Variants in RPS6 observed in about 807,000 individuals in gnomAD.
RPS6 encodes the protein ribosomal protein S6, also known as small ribosomal subunit protein eS6.
Under a neutral mutation model 27.1 loss-of-function variants are expected in RPS6, and 1 was observed. That is an observed-to-expected ratio of 0.04 (90% CI 0.01 to 0.18). The LOEUF is 0.18. RPS6 is among the 10% of genes least tolerant of loss of function. RPS6 has a pLI of 1.00. For missense variants in RPS6, 259 were observed against 319.1 expected (o/e 0.81, Z 1.44); for synonymous variants, 152 against 106.0 (o/e 1.43, Z -2.66).
At position 19,380,050 on chromosome 9, in the gene RPS6, G is replaced by C. The variant is rs1218706726; in HGVS notation, c.6+140C>G. 3 of 1,583,876 alleles carry C rather than the reference G, an allele frequency of 1.9e-6. No individual in the cohort carries two copies. In the African/African-American group the frequency reaches 4.1e-5, roughly 22 times the overall value. On this transcript the variant is annotated intron_variant, in intron 1 of 5. Transcript: ENST00000380394. Reference sequence around the variant, plus strand: ...TTCGGCCAAAAAGCTCCATGCCCCAGAAAGGCGAGCCTTCTCCTACTTGAG... The same window carrying C: ...TTCGGCCAAAAAGCTCCATGCCCCACAAAGGCGAGCCTTCTCCTACTTGAG...
In RPS6 at chr9:19,376,098, C is replaced by G; in HGVS notation, c.*195G>C. On this transcript the variant is annotated 3_prime_UTR_variant, in exon 6 of 6. Coordinates refer to ENST00000380394, the MANE Select transcript of RPS6 (RefSeq NM_001010.3). ...TGTGCCACCCATCCCCTGAAAGGAA[C>G]CCCTGTACACTGACCTTGTCTTCCA... 1 of 513,160 alleles carries G rather than the reference C, an allele frequency of 1.9e-6. No homozygotes were observed. The highest frequency in any genetic ancestry group is 3.4e-6 in the Non-Finnish European group (1 of 292,598). 31.8% of individuals were successfully genotyped at this position (513,160 alleles called of 1,614,324 possible).
At chr9:19,376,672 ATCATTT>A in intron 4 of RPS6, 21 bp from the exon 5 acceptor site, 1 of 1,591,892 alleles carries the variant, frequency 6.3e-7, no homozygotes, top group Non-Finnish European at 8.5e-7. Context: ...AAAGGACTCA[ATCATTT>A]CAATATTTGT....
At position 19,376,662 on chromosome 9, in the gene RPS6, AAAGGACTC is replaced by A; in HGVS notation, c.497-19_497-12del. On this transcript the variant is annotated splice_polypyrimidine_tract_variant and intron_variant, in intron 4 of 5. Coordinates refer to ENST00000380394, the MANE Select transcript of RPS6 (RefSeq NM_001010.3). ...TCCTAGGTTTCTTACCTAAAAATTCAAAGGACTCAATCATTTCAATATTTGTTTTGTTA... is the reference window on the plus strand; with the variant it reads ...TCCTAGGTTTCTTACCTAAAAATTCAAATCATTTCAATATTTGTTTTGTTA... The A allele has an allele frequency of 6.3e-7, 1 of 1,597,406 alleles. No homozygotes were observed. Among genetic ancestry groups the A allele is most frequent in the Non-Finnish European group, 8.5e-7 (1 of 1,175,674 alleles).
Position 19,378,445 on chromosome 9 carries a change from C to G in RPS6, c.419G>C (p.Arg140Thr). 6.2e-7 allele frequency: 1 copy of G among 1,614,110 alleles called. No homozygotes were observed. Among genetic ancestry groups the G allele is most frequent in the Non-Finnish European group, 8.5e-7 (1 of 1,180,030 alleles). The change falls in exon 4 of 6, where the codon AGA (arginine) becomes ACA (threonine). Residue 140 changes from arginine to threonine, a missense_variant. Coordinates refer to ENST00000380394, the MANE Select transcript of RPS6 (RefSeq NM_001010.3). ...PRRLGPKRAS[R>T]IRKLFNLSKE... is the part of the protein sequence containing the mutation. ...AGAGAGATTGAAAAGTTTGCGGATT[C>G]TGCTAGCTCTTTTGGGGCCCAGGCG...
At chr9:19,379,960 G>A (rs958770328) in intron 1 of RPS6, 4 of 1,438,606 alleles carry the variant, frequency 2.8e-6, no homozygotes, top group Non-Finnish European at 3.6e-6. Flanking sequence ...TCCCGGCTGG[G>A]CGCGGGGACG....
At chr9:19,377,174 A>G (rs1215974685) in intron 4 of RPS6, among the ~76,000 whole-genome samples, 1 of 152,202 alleles carries the variant, frequency 6.6e-6, no homozygotes. Flanking sequence ...TCTGCATTGG[A>G]GCATAGGCCT....
chr9:19,380,213 C>T lies in RPS6; in HGVS notation c.-18G>A, dbSNP rs1829656713. The T allele has an allele frequency of 1.2e-6, 2 of 1,613,974 alleles. No individual in the cohort carries two copies. The highest frequency in any genetic ancestry group is 1.3e-5 in the African/African-American group (1 of 74,930). On this transcript the variant is annotated 5_prime_UTR_variant, in exon 1 of 6. Coordinates refer to ENST00000380394, the MANE Select transcript of RPS6 (RefSeq NM_001010.3). ...ACCTTCATCTTGAAGCAGCTGAACGCCTCCGAGGCGCCACGGAAAAGAGGG... is the reference window on the plus strand; with the variant it reads ...ACCTTCATCTTGAAGCAGCTGAACGTCTCCGAGGCGCCACGGAAAAGAGGG...
chr9:19,378,300 G>C, intron 4 of RPS6, 68 bp downstream of exon 4: 1 of 1,481,524 alleles, frequency 6.7e-7, no homozygotes, highest in Non-Finnish European at 9.4e-7. Flanking sequence ...TTTATCTTCT[G>C]ATATGCACAC....
intron 2 of RPS6, 51 bp downstream of exon 2, chr9:19,379,436 G>A (rs369923035): frequency 1.9e-6 from 3 of 1,609,840 alleles, no homozygotes; most frequent in Non-Finnish European, 2.5e-6. Flanking sequence ...AGTTACCAAT[G>A]GCGTTTACCG....
At chr9:19,377,334 T>G (rs1024999819) in intron 4 of RPS6, among the ~76,000 whole-genome samples, 2 of 151,966 alleles carry the variant, frequency 1.3e-5, no homozygotes, top group Non-Finnish European at 2.9e-5. Context: ...CACGCTTGTA[T>G]TATACGGATT....
At chr9:19,378,054 C>T (rs1464526560) in intron 4 of RPS6, among the ~76,000 whole-genome samples, 1 of 152,112 alleles carries the variant, frequency 6.6e-6, no homozygotes, top group Non-Finnish European at 1.5e-5. Flanking sequence ...CTAATAGTCC[C>T]AGAATTCTCA....
chr9:19,379,882 A>T (rs1829650545), intron 1 of RPS6: 2 of 1,422,836 alleles, frequency 1.4e-6, no homozygotes, highest in Non-Finnish European at 1.8e-6. Flanking sequence ...CACCCTCCCG[A>T]AGCAAGAAAG....
At position 19,378,522 on chromosome 9, in the gene RPS6, G is replaced by GA. The variant is rs1829626854; in HGVS notation, c.350-9dup. 6.2e-7 allele frequency: 1 copy of GA among 1,610,016 alleles called. No individual in the cohort carries two copies. Among genetic ancestry groups the GA allele is most frequent in the South Asian group, 1.1e-5 (1 of 90,128 alleles). On this transcript the variant is annotated splice_polypyrimidine_tract_variant and intron_variant, in intron 3 of 5. Coordinates refer to ENST00000380394, the MANE Select transcript of RPS6 (RefSeq NM_001010.3). The stretch of plus-strand genomic sequence containing the variant: ...CAGGAATATCCTTCTCTCCTTAGAA[G>GA]AAACAGTTGAAGAGATTTTAATTCA...
Position 19,378,826 on chromosome 9 carries a change from CAGT to C in RPS6, c.228_230del (p.Leu77del), listed in dbSNP as rs1369461897. On this transcript the variant is annotated inframe_deletion, in exon 3 of 6. Coordinates refer to ENST00000380394, the MANE Select transcript of RPS6 (RefSeq NM_001010.3). ...GTCTGTAACAGGAATGCCCCTTACTCAGTAGCAGGCGGACACGGCCATGGGTCA... is the reference window on the plus strand; with the variant it reads ...GTCTGTAACAGGAATGCCCCTTACTCAGCAGGCGGACACGGCCATGGGTCA... The C allele has an allele frequency of 1.9e-6, 3 of 1,614,220 alleles. No individual in the cohort carries two copies. In the Admixed American group the frequency reaches 5.0e-5, roughly 27 times the overall value.
intron 1 of RPS6, 27 bp downstream of exon 1, chr9:19,380,163 A>C: frequency 1.9e-6 from 3 of 1,613,594 alleles, no homozygotes; most frequent in Non-Finnish European, 2.5e-6. Context: ...CCCCAAACCC[A>C]GTCTAACACT....
intron 1 of RPS6, 51 bp from the exon 2 acceptor site, chr9:19,379,669 T>C (rs779293743): frequency 1.9e-6 from 3 of 1,557,598 alleles, no homozygotes; most frequent in East Asian, 2.2e-5. Flanking sequence ...ATACAGGTAA[T>C]TGTAGAGCCA....
rs1324248633 is a variant in RPS6 at position 19,376,359 on chromosome 9, A to G, written c.684T>C (p.Ile228=). Residue 228 remains isoleucine (I), a synonymous_variant, in exon 6 of 6, where the codon ATT becomes ATC. Transcript: ENST00000380394. ...KEAKEKRQEQ[I]AKRRRLSSLR... ...GAGAGGAAAGTCTGCGTCTCTTCGC[A>G]ATTTGTTCCTGGCGCTTCTCCTTAG... 2 of 1,614,060 alleles carry G rather than the reference A, an allele frequency of 1.2e-6. No individual in the cohort carries two copies. The highest frequency in any genetic ancestry group is 1.7e-6 in the Non-Finnish European group (2 of 1,180,030).
At chr9:19,377,182 C>A (rs1056503825) in intron 4 of RPS6, among the ~76,000 whole-genome samples, 5 of 152,168 alleles carry the variant, frequency 3.3e-5, no homozygotes, top group Admixed American at 3.3e-4. Context: ...GGAGCATAGG[C>A]CTTTTCAGAT....
chr9:19,378,714 T>C lies in RPS6; in HGVS notation c.343A>G (p.Lys115Glu). The C allele has an allele frequency of 1.9e-6, 3 of 1,614,132 alleles. No homozygotes were observed. The highest frequency in any genetic ancestry group is 2.5e-6 in the Non-Finnish European group (3 of 1,179,972). ...GAACACAAGTAACCCTCACCTTTTT[T>C]TACAATAACCAAGTTGAGAACGCTC... ...NLSVLNLVIV[K>E]KGEKDIPGLT... Residue 115 changes from lysine to glutamate, a missense_variant, in exon 3 of 6, where the codon AAA becomes GAA. Around this residue, in one of 3 missense-constraint regions of RPS6, gnomAD observed 191 missense variants for 231.6 expected, o/e 0.82. Coordinates refer to ENST00000380394, the MANE Select transcript of RPS6 (RefSeq NM_001010.3).
Sources: allele counts gnomAD v4.1 joint callset (sites outside exome capture counted in the v4.1 genomes callset), GRCh38; gene constraint gnomAD v4.1.1; regional missense constraint gnomAD v4.1.1; transcripts MANE v1.5; gene names NCBI Gene and HGNC (gene_info 2026-07-23, HGNC 2026-07-21).